Variants in NKAIN3 observed in about 807,000 individuals in gnomAD.
NKAIN3 encodes the protein sodium/potassium-transporting ATPase subunit beta-1-interacting protein 3.
NKAIN3 carries 25 observed loss-of-function variants against 30.2 expected under a neutral mutation model. That is an observed-to-expected ratio of 0.83 (90% CI 0.60 to 1.16). The LOEUF is 1.16. Ranked by LOEUF, NKAIN3 falls within the 50% of genes most tolerant of loss-of-function variation. NKAIN3 has a pLI of 0.00. For synonymous variants in NKAIN3, 91 were observed against 89.6 expected, an observed-to-expected ratio of 1.02 and a Z score of -0.09; for missense variants, 225 against 254.1, an observed-to-expected ratio of 0.89 and a Z score of 0.78.
At chr8:62,282,048 G>C (rs1031019972) in intron 1 of NKAIN3, among the ~76,000 whole-genome samples, 5 of 150,818 alleles carry the variant, frequency 3.3e-5, no homozygotes, top group African/African-American at 1.2e-4. Context: ...TCTCTCTCGA[G>C]ACATCTGTAA....
At chr8:62,845,285 T>TATATATATATATATATATATATA (rs1819646049) in intron 4 of NKAIN3, among the ~76,000 whole-genome samples, 2 of 68,928 alleles carry the variant, frequency 2.9e-5, no homozygotes, top group Admixed American at 3.2e-4. Context: ...GGATAGTAGA[T>TATATATATATATATATATATATA]TATATATATA....
intron 4 of NKAIN3, among the ~76,000 whole-genome samples, chr8:62,904,672 C>T (rs1410900515): frequency 1.3e-5 from 2 of 152,200 alleles, no homozygotes; most frequent in African/African-American, 2.4e-5. Context: ...ATTTCAGACA[C>T]CCTGGTTTTC....
intron 4 of NKAIN3, among the ~76,000 whole-genome samples, chr8:62,770,291 C>A (rs143504893): frequency 6.6e-6 from 1 of 152,298 alleles, no homozygotes; most frequent in East Asian, 1.9e-4. Context: ...TACTCCATAA[C>A]CCCCACACAG....
intron 5 of NKAIN3, among the ~76,000 whole-genome samples, chr8:62,995,320 T>G (rs901911696): frequency 5.9e-5 from 9 of 152,224 alleles, no homozygotes; most frequent in African/African-American, 1.9e-4. Flanking sequence ...TCCTCTGTAC[T>G]TTACAAGAGT....
intron 4 of NKAIN3, among the ~76,000 whole-genome samples, chr8:62,771,918 C>A (rs2130637679): frequency 6.6e-6 from 1 of 152,068 alleles, no homozygotes; most frequent in East Asian, 1.9e-4. Context: ...ACAAACAATC[C>A]AGCTTTATCA....
chr8:62,939,051 T>C (rs1822869847), intron 5 of NKAIN3, among the ~76,000 whole-genome samples: 1 of 152,082 alleles, frequency 6.6e-6, no homozygotes, highest in South Asian at 2.1e-4. Context: ...AAAGCACAAA[T>C]TTTAAAACAA....
chr8:62,463,183 G>A (rs1309220267), intron 1 of NKAIN3, among the ~76,000 whole-genome samples: 7 of 152,100 alleles, frequency 4.6e-5, no homozygotes. Flanking sequence ...AAATGTTTCT[G>A]TATAAACAGG....
intron 1 of NKAIN3, among the ~76,000 whole-genome samples, chr8:62,448,726 T>G (rs1805557115): frequency 6.6e-6 from 1 of 151,942 alleles, no homozygotes; most frequent in African/African-American, 2.4e-5. Context: ...TGGAAGACTA[T>G]TGCTACAAGA....
chr8:62,573,416 C>A (rs556586542), intron 1 of NKAIN3, among the ~76,000 whole-genome samples: 1 of 152,284 alleles, frequency 6.6e-6, no homozygotes, highest in South Asian at 2.1e-4. Flanking sequence ...CTTCAATATA[C>A]ATGAAAATCA....
At chr8:62,863,792 CCAAGCTTTCTAATAA>C in intron 4 of NKAIN3, 1 of 1,611,366 alleles carries the variant, frequency 6.2e-7, no homozygotes, top group South Asian at 1.1e-5. Flanking sequence ...GTGCCCCCAT[CCAAGCTTTCTAATAA>C]CATGATACCG....
chr8:62,561,871 G>A (rs1809590988), intron 1 of NKAIN3, among the ~76,000 whole-genome samples: 1 of 152,098 alleles, frequency 6.6e-6, no homozygotes, highest in African/African-American at 2.4e-5. Flanking sequence ...ATGTGTTTTT[G>A]TAATGTTAAC....
At chr8:62,472,418 T>A (rs1806382085) in intron 1 of NKAIN3, among the ~76,000 whole-genome samples, 1 of 152,134 alleles carries the variant, frequency 6.6e-6, no homozygotes, top group African/African-American at 2.4e-5. Context: ...TTTATTTATC[T>A]CAAAACAAGG....
chr8:62,536,358 C>T (rs1259207484), intron 1 of NKAIN3, among the ~76,000 whole-genome samples: 2 of 152,092 alleles, frequency 1.3e-5, no homozygotes, highest in East Asian at 3.9e-4. Context: ...TTTTTAAGTC[C>T]TAAACATATA....
chr8:62,636,912 C>G (rs1177146033), intron 3 of NKAIN3, among the ~76,000 whole-genome samples: 1 of 152,168 alleles, frequency 6.6e-6, no homozygotes, highest in Non-Finnish European at 1.5e-5. Context: ...ACTCTATACT[C>G]TCTCACTTAT....
At chr8:62,651,372 A>G (rs1045453169) in intron 3 of NKAIN3, among the ~76,000 whole-genome samples, 2 of 152,336 alleles carry the variant, frequency 1.3e-5, no homozygotes, top group East Asian at 1.9e-4. Flanking sequence ...TTCAAGTCTC[A>G]TAATGGAGCA....
chr8:62,301,566 T>C (rs1394090853), intron 1 of NKAIN3, among the ~76,000 whole-genome samples: 2 of 152,066 alleles, frequency 1.3e-5, no homozygotes, highest in African/African-American at 4.8e-5. Flanking sequence ...CCATTACATA[T>C]TCAGTTAGGT....
chr8:62,470,167 CTCATA>C (rs1806286979), intron 1 of NKAIN3, among the ~76,000 whole-genome samples: 1 of 152,180 alleles, frequency 6.6e-6, no homozygotes, highest in Non-Finnish European at 1.5e-5. Flanking sequence ...GTGCATTATT[CTCATA>C]TGACTACAGC....
At chr8:62,557,530 T>A (rs1401102240) in intron 1 of NKAIN3, among the ~76,000 whole-genome samples, 2 of 152,164 alleles carry the variant, frequency 1.3e-5, no homozygotes, top group East Asian at 3.8e-4. Context: ...ACCAGCAGTG[T>A]AGAAGTGTTC....
At chr8:62,729,250 G>GA (rs1257046411) in intron 3 of NKAIN3, among the ~76,000 whole-genome samples, 1 of 151,954 alleles carries the variant, frequency 6.6e-6, no homozygotes, top group Non-Finnish European at 1.5e-5. Context: ...TATGTAGATG[G>GA]AAAAAAGCAC....
Sources: gnomAD v4.1 joint callset for allele counts (sites outside exome capture counted in the v4.1 genomes callset) on GRCh38, gnomAD v4.1.1 for gene constraint, MANE v1.5 for transcripts, NCBI Gene and HGNC (gene_info 2026-07-23, HGNC 2026-07-21) for gene names.